Variants in TSPAN7 observed in about 807,000 individuals in gnomAD.
TSPAN7 encodes tetraspanin 7, also known as tetraspanin-7.
Under a neutral mutation model 17.6 loss-of-function variants are expected in TSPAN7, and 1 was observed. The ratio of observed to expected loss-of-function variants is 0.06; its 90% CI spans 0.02 to 0.27. The LOEUF is 0.27. Among genes scored for constraint, TSPAN7 ranks in the 10% least tolerant of loss-of-function variants. TSPAN7 has a pLI of 1.00. For synonymous variants in TSPAN7, 78 were observed against 79.0 expected (o/e 0.99, Z 0.07); for missense variants, 112 against 201.7 (o/e 0.56, Z 2.69).
At chrX:38,657,184 T>A (rs2069709869) in intron 1 of TSPAN7, among the ~76,000 whole-genome samples, 1 of 111,519 alleles carries the variant, frequency 9.0e-6, no homozygotes, top group Non-Finnish European at 1.9e-5. Context: ...TTTCTGTGAC[T>A]CTATTTGTTG....
intron 1 of TSPAN7, among the ~76,000 whole-genome samples, chrX:38,618,484 A>G (rs911723904): frequency 8.9e-6 from 1 of 111,858 alleles, no homozygotes; most frequent in Non-Finnish European, 1.9e-5. Flanking sequence ...CTGTCAAGTC[A>G]GGGTGCATGA....
At chrX:38,592,779 C>G (rs770591489) in intron 1 of TSPAN7, among the ~76,000 whole-genome samples, 72 of 110,413 alleles carry the variant, frequency 6.5e-4, no homozygotes, top group African/African-American at 2.2e-3. Context: ...TACCACCACA[C>G]TCCATTGTTA....
intron 6 of TSPAN7, 55 bp from the exon 7 acceptor site, chrX:38,687,544 A>T: frequency 9.5e-7 from 1 of 1,052,225 alleles, no homozygotes; most frequent in East Asian, 3.1e-5. Context: ...AAATATTAAA[A>T]GGGTGTGGTT....
intron 1 of TSPAN7, among the ~76,000 whole-genome samples, chrX:38,581,710 A>G (rs1487752147): frequency 1.8e-5 from 2 of 112,137 alleles, no homozygotes; most frequent in Non-Finnish European, 3.8e-5. Flanking sequence ...TCTGTCATTT[A>G]AAACAAAATT....
intron 1 of TSPAN7, among the ~76,000 whole-genome samples, chrX:38,637,609 C>A (rs1997609): frequency 0.33 from 36,731 of 110,943 alleles, 4,559 homozygotes; most frequent in East Asian, 0.67. Context: ...GGAGAGTAAG[C>A]CCCTGCTGAT....
At chrX:38,621,505 G>A (rs1347914111) in intron 1 of TSPAN7, among the ~76,000 whole-genome samples, 1 of 111,720 alleles carries the variant, frequency 9.0e-6, no homozygotes, top group Non-Finnish European at 1.9e-5. Flanking sequence ...AGCTCATCTG[G>A]GAAAAGGACA....
intron 1 of TSPAN7, among the ~76,000 whole-genome samples, chrX:38,580,903 AG>A (rs908619498): frequency 9.0e-6 from 1 of 111,606 alleles, no homozygotes; most frequent in African/African-American, 3.3e-5. Context: ...GGGTACTCTG[AG>A]AATCCCTGCT....
intron 1 of TSPAN7, among the ~76,000 whole-genome samples, chrX:38,665,248 C>T (rs748600999): frequency 3.6e-5 from 4 of 111,732 alleles, no homozygotes; most frequent in Non-Finnish European, 5.6e-5. Context: ...AAGCTTCATG[C>T]GGTATCAGAA....
At chrX:38,589,993 A>C (rs746254191) in intron 1 of TSPAN7, among the ~76,000 whole-genome samples, 2 of 113,126 alleles carry the variant, frequency 1.8e-5, no homozygotes, top group South Asian at 7.2e-4. Context: ...TTCTGGTCTG[A>C]TCTGGATTCT....
At chrX:38,578,573 T>G (rs2069209582) in intron 1 of TSPAN7, among the ~76,000 whole-genome samples, 1 of 111,089 alleles carries the variant, frequency 9.0e-6, no homozygotes, top group South Asian at 3.9e-4. Flanking sequence ...GTAAATGACT[T>G]AGAACAGGCC....
intron 1 of TSPAN7, among the ~76,000 whole-genome samples, chrX:38,569,035 A>G (rs1169732560): frequency 1.8e-5 from 2 of 111,306 alleles, no homozygotes; most frequent in African/African-American, 6.5e-5. Flanking sequence ...CTTCCTGCAT[A>G]GTTTCCTTCA....
At chrX:38,665,396 G>A (rs1423187229) in intron 1 of TSPAN7, among the ~76,000 whole-genome samples, 1 of 111,480 alleles carries the variant, frequency 9.0e-6, no homozygotes, top group Non-Finnish European at 1.9e-5. Flanking sequence ...GTGGCCTGCA[G>A]GGGGTGGGGT....
chrX:38,659,963 A>G (rs761877980), intron 1 of TSPAN7, among the ~76,000 whole-genome samples: 1 of 106,867 alleles, frequency 9.4e-6, no homozygotes, highest in East Asian at 2.9e-4. Flanking sequence ...AGTAGCTGGG[A>G]TTACAGGCAC....
At chrX:38,637,741 C>T (rs777441449) in intron 1 of TSPAN7, among the ~76,000 whole-genome samples, 7 of 112,643 alleles carry the variant, frequency 6.2e-5, no homozygotes, top group African/African-American at 1.9e-4. Flanking sequence ...ACGGGTGGTC[C>T]GTGACACACT....
At chrX:38,638,533 A>C (rs922767942) in intron 1 of TSPAN7, among the ~76,000 whole-genome samples, 4 of 111,857 alleles carry the variant, frequency 3.6e-5, no homozygotes, top group Non-Finnish European at 7.5e-5. Context: ...ATCGTGGTCA[A>C]GTCTGGAAGC....
At chrX:38,664,032 GA>G (rs2069766706) in intron 1 of TSPAN7, among the ~76,000 whole-genome samples, 1 of 112,316 alleles carries the variant, frequency 8.9e-6, no homozygotes, top group African/African-American at 3.2e-5. Flanking sequence ...TAGCTTAACT[GA>G]ATTTTTGCTT....
intron 1 of TSPAN7, among the ~76,000 whole-genome samples, chrX:38,577,194 T>G (rs1335928661): frequency 8.9e-6 from 1 of 111,919 alleles, no homozygotes; most frequent in Non-Finnish European, 1.9e-5. Context: ...GAGACTAATA[T>G]GATGTGTTCC....
intron 1 of TSPAN7, among the ~76,000 whole-genome samples, chrX:38,629,222 C>T (rs998515798): frequency 8.9e-6 from 1 of 112,323 alleles, no homozygotes; most frequent in Admixed American, 9.4e-5. Flanking sequence ...GCTCAGTAGC[C>T]ACTGGCTAGT....
intron 1 of TSPAN7, among the ~76,000 whole-genome samples, chrX:38,649,381 T>C (rs769168606): frequency 1.8e-5 from 2 of 112,580 alleles, no homozygotes; most frequent in East Asian, 5.6e-4. Flanking sequence ...AAGAGAGACC[T>C]ACTTTGAATG....
Sources: allele counts gnomAD v4.1 joint callset (sites outside exome capture counted in the v4.1 genomes callset), GRCh38; gene constraint gnomAD v4.1.1; transcripts MANE v1.5; gene names NCBI Gene and HGNC (gene_info 2026-07-23, HGNC 2026-07-21).